The following ZRANB3 variants were observed in gnomAD, a reference collection of about 807,000 sequenced individuals.
ZRANB3 encodes zinc finger RANBP2-type containing 3, also known as DNA annealing helicase and endonuclease ZRANB3.
In ZRANB3, 125 loss-of-function variants were observed where a neutral mutation model predicts 133.8. The observed-to-expected ratio is 0.93, with a 90% CI of 0.81 to 1.08. The LOEUF (loss-of-function observed/expected upper bound fraction) is 1.08, where lower values mean the gene tolerates loss of function less well. Among genes scored for constraint, ZRANB3 ranks in the 50% least tolerant of loss-of-function variants. ZRANB3 has a pLI of 0.00. For synonymous variants in ZRANB3, 387 were observed against 432.7 expected (o/e 0.89, Z 1.31); for missense variants, 1,229 against 1,275.5 (o/e 0.96, Z 0.56).
intron 6 of ZRANB3, among the ~76,000 whole-genome samples, chr2:135,334,637 T>C (rs925908239): frequency 6.6e-6 from 1 of 152,082 alleles, no homozygotes; most frequent in African/African-American, 2.4e-5. Flanking sequence ...AGCTCACGTC[T>C]ATAATCCCAG....
intron 19 of ZRANB3, among the ~76,000 whole-genome samples, chr2:135,205,445 G>GT (rs1053517933): frequency 2.6e-5 from 4 of 151,842 alleles, no homozygotes; most frequent in South Asian, 2.1e-4. Context: ...AATTTTTCAG[G>GT]TTTTTTTTCT....
At chr2:135,326,384 G>A (rs1179449392) in intron 6 of ZRANB3, among the ~76,000 whole-genome samples, 2 of 151,934 alleles carry the variant, frequency 1.3e-5, no homozygotes, top group Non-Finnish European at 2.9e-5. Flanking sequence ...GCAATCAAGG[G>A]ATTTAATGCA....
At chr2:135,337,804 T>G (rs1684434609) in intron 6 of ZRANB3, among the ~76,000 whole-genome samples, 1 of 152,240 alleles carries the variant, frequency 6.6e-6, no homozygotes, top group Non-Finnish European at 1.5e-5. Context: ...TTTTTCCATT[T>G]TTTTCTTTTA....
chr2:135,482,094 T>C lies in ZRANB3; in HGVS notation c.161+22235A>G, dbSNP rs887294231. ...TTTTGGCTTAGGATTGACTTGGCGA[T>C]GCGGGCTCTTTTTTGGTTCCATATG... is the stretch of plus-strand genomic sequence containing the variant. On this transcript the variant is annotated intron_variant, in intron 2 of 20. Transcript: ENST00000264159. Among the ~76,000 whole-genome samples the C allele has an allele frequency of 2.4e-4, 33 of 136,216 alleles. 1 individual carries two copies. The highest frequency in any genetic ancestry group is 4.4e-4 in the Admixed American group (6 of 13,696). The allele number at this position is 136,216 out of a possible 152,430, so 89.4% of individuals were successfully genotyped here.
At chr2:135,417,844 G>A (rs1688659639) in intron 2 of ZRANB3, among the ~76,000 whole-genome samples, 1 of 152,112 alleles carries the variant, frequency 6.6e-6, no homozygotes, top group African/African-American at 2.4e-5. Flanking sequence ...ATCACTCTCA[G>A]TAAACTATCG....
intron 2 of ZRANB3, among the ~76,000 whole-genome samples, chr2:135,393,253 C>T (rs998842305): frequency 1.3e-5 from 2 of 152,060 alleles, no homozygotes; most frequent in Non-Finnish European, 2.9e-5. Context: ...TTATTACATT[C>T]TTTGTAAACA....
At chr2:135,329,070 C>T (rs932365698) in intron 6 of ZRANB3, among the ~76,000 whole-genome samples, 1 of 152,172 alleles carries the variant, frequency 6.6e-6, no homozygotes, top group African/African-American at 2.4e-5. Context: ...TTAATTAGAT[C>T]CCATTTGTCT....
intron 8 of ZRANB3, among the ~76,000 whole-genome samples, chr2:135,288,773 G>A (rs1425471544): frequency 6.6e-6 from 1 of 151,732 alleles, no homozygotes; most frequent in Non-Finnish European, 1.5e-5. Context: ...ATTTCTAATT[G>A]AGCCTACTTG....
In ZRANB3 at chr2:135,447,286, G is replaced by A. The variant is rs574934137; in HGVS notation, c.162-56466C>T. Among the ~76,000 whole-genome samples the A allele has an allele frequency of 5.9e-5, 9 of 152,210 alleles. No homozygotes were observed. The South Asian group carries it at 1.7e-3, about 28-fold the overall frequency. On this transcript the variant is annotated intron_variant, in intron 2 of 20. Coordinates refer to ENST00000264159, the MANE Select transcript of ZRANB3 (RefSeq NM_032143.4). ...ACTCCTGACCTCAGGTGATCTGCCC[G>A]CCTTGGCCTCCCAAAGTGTTGGGAT...
chr2:135,325,696 T>C (rs1425620594), intron 6 of ZRANB3, among the ~76,000 whole-genome samples: 2 of 152,000 alleles, frequency 1.3e-5, no homozygotes, highest in Admixed American at 6.6e-5. Flanking sequence ...CACCCGGCCA[T>C]GAGGCAGGCC....
chr2:135,240,838 C>T (rs911459957), intron 12 of ZRANB3, among the ~76,000 whole-genome samples: 6 of 152,184 alleles, frequency 3.9e-5, no homozygotes, highest in African/African-American at 7.2e-5. Flanking sequence ...TCTTGGCCCC[C>T]CAAAGTGGTG....
At chr2:135,299,266 A>G (rs1205689135) in intron 8 of ZRANB3, among the ~76,000 whole-genome samples, 1 of 152,030 alleles carries the variant, frequency 6.6e-6, no homozygotes, top group Non-Finnish European at 1.5e-5. Flanking sequence ...TGTGTCATAC[A>G]GGTCTCCAGG....
At chr2:135,250,856 G>A (rs1300886388) in intron 12 of ZRANB3, among the ~76,000 whole-genome samples, 2 of 152,248 alleles carry the variant, frequency 1.3e-5, no homozygotes, top group African/African-American at 4.8e-5. Flanking sequence ...GAAGGGAAAT[G>A]TGGGGTTGGA....
At chr2:135,388,981 G>A (rs1326897182) in intron 3 of ZRANB3, among the ~76,000 whole-genome samples, 4 of 152,170 alleles carry the variant, frequency 2.6e-5, no homozygotes, top group African/African-American at 9.7e-5. Flanking sequence ...GGGAGGCTGA[G>A]GCAGGAGAAT....
intron 2 of ZRANB3, among the ~76,000 whole-genome samples, chr2:135,448,852 T>C (rs557546448): frequency 2.0e-5 from 3 of 152,312 alleles, no homozygotes; most frequent in Non-Finnish European, 4.4e-5. Context: ...TGTGGCAGAC[T>C]GTACTGTCTA....
rs185868777 is a variant in ZRANB3, at chr2:135,265,663, C to G, written c.1410G>C (p.Leu470=). 1 of 1,613,454 alleles carries G rather than the reference C, an allele frequency of 6.2e-7. No individual in the cohort carries two copies. Among genetic ancestry groups the G allele is most frequent in the Non-Finnish European group, 8.5e-7 (1 of 1,179,716 alleles). ...NRKAQVTGST[L]NGRKEKIQAE... ...CCTGAATTTTTTCTTTCCTACCGTT[C>G]AGTGTGCTCCCTGTAACTTGAGCCT... Residue 470 remains leucine, a synonymous_variant, in exon 12 of 21, where the codon CTG becomes CTC. Transcript: ENST00000264159.
intron 3 of ZRANB3, among the ~76,000 whole-genome samples, chr2:135,358,867 T>C (rs2104883936): frequency 6.6e-6 from 1 of 152,164 alleles, no homozygotes; most frequent in East Asian, 1.9e-4. Flanking sequence ...CTATTTCCTT[T>C]GGCACTGGTG....
intron 2 of ZRANB3, among the ~76,000 whole-genome samples, chr2:135,496,579 TAAAG>T (rs1253113999): frequency 6.6e-6 from 1 of 152,056 alleles, no homozygotes; most frequent in African/African-American, 2.4e-5. Flanking sequence ...TCTAAATATT[TAAAG>T]AAATACGACA....
rs143113261 is a variant in ZRANB3 at position 135,244,666 on chromosome 2, C to T, written c.1540-13739G>A. On this transcript the variant is annotated intron_variant, in intron 12 of 20. Transcript: ENST00000264159. ...AAACAAAACAACTAAAGAAACCTCC[C>T]CACAAAAAAAGAATTCTCAGGGCCT... Among the ~76,000 whole-genome samples, 35 of 151,940 alleles carry T rather than the reference C, an allele frequency of 2.3e-4. No homozygotes were observed. The East Asian group carries it at 5.6e-3, about 24-fold the overall frequency.
Sources: allele counts gnomAD v4.1 joint callset (sites outside exome capture counted in the v4.1 genomes callset), GRCh38; gene constraint gnomAD v4.1.1; transcripts MANE v1.5; gene names NCBI Gene and HGNC (gene_info 2026-07-23, HGNC 2026-07-21).